Variants in SDK1 observed in about 807,000 individuals in gnomAD.
SDK1 encodes the protein protein sidekick-1.
Under a neutral mutation model 245.5 loss-of-function variants are expected in SDK1, and 157 were observed. That is an observed-to-expected ratio of 0.64 (90% CI 0.56 to 0.73). The LOEUF (loss-of-function observed/expected upper bound fraction) is 0.73. Among genes scored for constraint, SDK1 ranks in the 30% least tolerant of loss-of-function variants. The pLI is 0.00. For missense variants in SDK1, 3,583 were observed against 3,002.3 expected (o/e 1.19, Z -4.52); for synonymous variants, 1,647 against 1,278.5 (o/e 1.29, Z -6.15).
intron 4 of SDK1, among the ~76,000 whole-genome samples, chr7:3,798,471 C>G (rs1015316674): frequency 1.3e-5 from 2 of 152,112 alleles, no homozygotes; most frequent in South Asian, 2.1e-4. Flanking sequence ...CCCACCTTGG[C>G]CTCCCAAAGT....
intron 4 of SDK1, among the ~76,000 whole-genome samples, chr7:3,645,410 G>C (rs971005452): frequency 6.6e-6 from 1 of 152,110 alleles, no homozygotes; most frequent in African/African-American, 2.4e-5. Context: ...ATCACCCCAA[G>C]TCTATTAAGT....
Position 4,265,725 on chromosome 7 carries a change from A to G in SDK1, c.*341A>G, listed in dbSNP as rs1788426772. The G allele has an allele frequency of 9.3e-7, 1 of 1,079,822 alleles. No homozygotes were observed. The highest frequency in any genetic ancestry group is 3.7e-5 in the South Asian group (1 of 27,100). The allele number at this position is 1,079,822 out of a possible 1,614,324, so 66.9% of individuals were successfully genotyped here. On this transcript the variant is annotated 3_prime_UTR_variant, in exon 45 of 45. Transcript: ENST00000404826. Reference sequence around the variant, plus strand: ...TCTCCGTCTTCAAGACCAACTAGGAAGGGTCAAGCGGGGAGAGGGAGTGGA... The same window carrying G: ...TCTCCGTCTTCAAGACCAACTAGGAGGGGTCAAGCGGGGAGAGGGAGTGGA...
intron 1 of SDK1, among the ~76,000 whole-genome samples, chr7:3,562,281 A>G (rs944022098): frequency 2.0e-5 from 3 of 152,212 alleles, no homozygotes; most frequent in Non-Finnish European, 2.9e-5. Context: ...CCTACCTTTA[A>G]GATAACATTT....
At chr7:3,517,744 ACT>A (rs1324602750) in intron 1 of SDK1, among the ~76,000 whole-genome samples, 1 of 152,134 alleles carries the variant, frequency 6.6e-6, no homozygotes, top group Non-Finnish European at 1.5e-5. Flanking sequence ...TTGTATTGCC[ACT>A]AGTGCTTCCT....
Position 4,252,951 on chromosome 7 carries a change from A to G in SDK1, c.6381+7146A>G, listed in dbSNP as rs1787410507. Among the ~76,000 whole-genome samples the G allele has an allele frequency of 3.3e-5, 5 of 149,988 alleles. No homozygotes were observed. In the Admixed American group the frequency reaches 3.4e-4, roughly 10 times the overall value. ...TGCTTATAGTTGTGTACAGTTGTTT[A>G]TAATCCTTCATTTCTGTAAAGGCAG... On this transcript the variant is annotated intron_variant, in intron 44 of 44. Transcript: ENST00000404826.
intron 4 of SDK1, among the ~76,000 whole-genome samples, chr7:3,808,898 C>T (rs113942677): frequency 6.6e-6 from 1 of 152,136 alleles, no homozygotes; most frequent in African/African-American, 2.4e-5. Context: ...TTATTTTCAT[C>T]TTCATTGTTG....
chr7:3,503,021 T>G (rs1283176058), intron 1 of SDK1, among the ~76,000 whole-genome samples: 1 of 152,246 alleles, frequency 6.6e-6, no homozygotes, highest in South Asian at 2.1e-4. Flanking sequence ...TAATATTATG[T>G]ACTATGTTCA....
chr7:3,727,488 G>A (rs1779043299), intron 4 of SDK1, among the ~76,000 whole-genome samples: 2 of 152,132 alleles, frequency 1.3e-5, no homozygotes, highest in East Asian at 3.9e-4. Flanking sequence ...TTTTGCCAGG[G>A]AGAGAATTTT....
chr7:3,453,065 G>T (rs1780565214), intron 1 of SDK1, among the ~76,000 whole-genome samples: 1 of 152,102 alleles, frequency 6.6e-6, no homozygotes, highest in South Asian at 2.1e-4. Flanking sequence ...CGATAGAGTG[G>T]ACCCTGTGTC....
At chr7:3,986,091 A>T (rs1250748230) in intron 13 of SDK1, among the ~76,000 whole-genome samples, 1 of 152,134 alleles carries the variant, frequency 6.6e-6, no homozygotes, top group African/African-American at 2.4e-5. Flanking sequence ...GTGAAGGTTC[A>T]GTACAGGGCC....
intron 17 of SDK1, among the ~76,000 whole-genome samples, chr7:4,034,573 T>TCATTTAAAA (rs1315592251): frequency 1.3e-5 from 2 of 152,154 alleles, no homozygotes; most frequent in African/African-American, 4.8e-5. Flanking sequence ...TCATTCTTTT[T>TCATTTAAAA]CATTTAAAAC....
intron 17 of SDK1, among the ~76,000 whole-genome samples, chr7:4,017,611 G>A (rs1786518758): frequency 6.6e-6 from 1 of 152,144 alleles, no homozygotes. Context: ...TTTGACGGGT[G>A]CATCTAGTCT....
chr7:3,862,960 G>A (rs902300685), intron 5 of SDK1, among the ~76,000 whole-genome samples: 1 of 151,264 alleles, frequency 6.6e-6, no homozygotes, highest in Non-Finnish European at 1.5e-5. Context: ...ACCGCTGGCT[G>A]ATCTGACAGG....
At chr7:3,540,048 A>C (rs1246905266) in intron 1 of SDK1, among the ~76,000 whole-genome samples, 5 of 152,222 alleles carry the variant, frequency 3.3e-5, no homozygotes, top group Non-Finnish European at 7.3e-5. Flanking sequence ...TTGAGTCACA[A>C]AAAAAACACA....
chr7:3,421,159 C>A, intron 1 of SDK1, among the ~76,000 whole-genome samples: 1 of 149,458 alleles, frequency 6.7e-6, no homozygotes, highest in Non-Finnish European at 1.5e-5. Context: ...GCAACATTTG[C>A]CTCCTGGGTT....
intron 1 of SDK1, among the ~76,000 whole-genome samples, chr7:3,604,269 T>G (rs1357466590): frequency 6.6e-6 from 1 of 152,226 alleles, no homozygotes; most frequent in Non-Finnish European, 1.5e-5. Context: ...TACCAGCTCC[T>G]CTTTGTACCT....
chr7:4,190,129 G>T (rs1783106538), intron 35 of SDK1, among the ~76,000 whole-genome samples: 1 of 152,188 alleles, frequency 6.6e-6, no homozygotes, highest in Admixed American at 6.5e-5. Flanking sequence ...AGAGTGAATG[G>T]CACCTGTTTA....
At chr7:3,752,844 G>A (rs760318747) in intron 4 of SDK1, among the ~76,000 whole-genome samples, 19 of 152,236 alleles carry the variant, frequency 1.2e-4, no homozygotes, top group African/African-American at 4.1e-4. Context: ...TAGTATAGTA[G>A]TATCTCTATT....
chr7:3,518,721 C>G (rs978858631), intron 1 of SDK1, among the ~76,000 whole-genome samples: 9 of 152,004 alleles, frequency 5.9e-5, no homozygotes, highest in African/African-American at 2.2e-4. Flanking sequence ...CTCTTACACA[C>G]TATGCAGGAA....
Sources: allele counts gnomAD v4.1 joint callset (sites outside exome capture counted in the v4.1 genomes callset), GRCh38; gene constraint gnomAD v4.1.1; transcripts MANE v1.5; gene names NCBI Gene and HGNC (gene_info 2026-07-23, HGNC 2026-07-21).